The following TNRC18 variants were observed in gnomAD, a reference collection of about 807,000 sequenced individuals.
TNRC18 encodes the protein trinucleotide repeat-containing gene 18 protein.
TNRC18 carries 69 observed loss-of-function variants against 226.7 expected under a neutral mutation model. The observed-to-expected ratio is 0.30, with a 90% confidence interval of 0.25 to 0.37. The LOEUF is 0.37. TNRC18 is among the 10% of genes least tolerant of loss of function. The pLI, the probability that TNRC18 is intolerant of heterozygous loss-of-function variation, is 1.00. For missense variants in TNRC18, 4,754 were observed against 4,256.6 expected (o/e 1.12, Z -3.25); for synonymous variants, 2,449 against 1,927.6 (o/e 1.27, Z -7.09).
rs534349262 is a variant in TNRC18, at chr7:5,332,858, C to T, written c.5911G>A (p.Ala1971Thr). Residue 1971 changes from alanine (A) to threonine (T), a missense_variant, in exon 19 of 30, where the codon GCC (alanine) becomes ACC (threonine). By Grantham distance (58) the Ala-to-Thr change is moderately conservative. Coordinates refer to ENST00000430969, the MANE Select transcript of TNRC18 (RefSeq NM_001080495.3). Reference protein sequence around the residue: ...AKLAVEKGRKARKLRGPKEPG... With the variant: ...AKLAVEKGRKTRKLRGPKEPG... ...TCCTTGGGGCCCCGCAGCTTCCGGG[C>T]CTTGCGCCCCTTCTCCACCGCCAGC... 5 of 1,510,828 alleles carry T rather than the reference C, an allele frequency of 3.3e-6. No homozygotes were observed. In the African/African-American group the frequency reaches 7.1e-5, roughly 21 times the overall value. 93.6% of individuals were successfully genotyped at this position (1,510,828 alleles called of 1,614,324 possible). A position where few individuals can be genotyped will look rare whatever the true frequency, so the allele number is the denominator to read the frequency against.
intron 5 of TNRC18, 88 bp downstream of exon 5, chr7:5,387,584 C>T (rs1239722733): frequency 6.5e-7 from 1 of 1,531,334 alleles, no homozygotes; most frequent in Non-Finnish European, 8.8e-7. Context: ...TTAGCAATAG[C>T]AAAGGGAAAG....
intron 2 of TNRC18, among the ~76,000 whole-genome samples, chr7:5,401,832 A>C (rs1222970654): frequency 3.3e-5 from 5 of 152,158 alleles, no homozygotes; most frequent in South Asian, 2.1e-4. Context: ...TCATGCCTGT[A>C]ATCTCAACAC....
Position 5,309,490 on chromosome 7 carries a change from T to C in TNRC18, c.8389-122A>G. 1 of 790,918 alleles carries C rather than the reference T, an allele frequency of 1.3e-6. No individual in the cohort carries two copies. The highest frequency in any genetic ancestry group is 2.7e-5 in the East Asian group (1 of 37,048). The allele number at this position is 790,918 out of a possible 1,614,324, so 49.0% of individuals were successfully genotyped here. ...CTCTAAATCAACCCCTATCCAACTG[T>C]GGGGAGATGAGGAAGCTCCTTGTCT... On this transcript the variant is annotated intron_variant, in intron 27 of 29. Transcript: ENST00000430969. This position sits in a 1 kb window ranked among gnomAD's most constrained non-coding sequence, Gnocchi z 5.7.
rs1320306844 is a variant in TNRC18, at chr7:5,389,066, C to T, written c.758G>A (p.Arg253Gln). Residue 253 changes from arginine to glutamine, a missense_variant, in exon 5 of 30, where the codon CGG (arginine) becomes CAG (glutamine). By Grantham distance (43) the Arg-to-Gln change is conservative. Transcript: ENST00000430969. ...GCGCTCAGCCAGGCGCGGGGGCCCCCGGTCCTGGCGGCCCTCGGCGCGCGC... is the reference window on the plus strand; with the variant it reads ...GCGCTCAGCCAGGCGCGGGGGCCCCTGGTCCTGGCGGCCCTCGGCGCGCGC... ...QEARAEGRQD[R>Q]GPPRLAERLS... is the part of the protein sequence containing the mutation. 11 of 1,280,324 alleles carry T rather than the reference C, an allele frequency of 8.6e-6. No homozygotes were observed. Among genetic ancestry groups the T allele is most frequent in the Non-Finnish European group, 9.9e-6 (10 of 1,005,744 alleles). 79.3% of individuals were successfully genotyped at this position (1,280,324 alleles called of 1,614,324 possible). A position where few individuals can be genotyped will look rare whatever the true frequency, so the allele number is the denominator to read the frequency against.
Position 5,357,001 on chromosome 7 carries a change from C to G in TNRC18, c.5109G>C (p.Arg1703Ser), listed in dbSNP as rs1792492387. The change falls in exon 16 of 30, where the codon AGG (arginine) becomes AGC (serine). Residue 1703 changes from arginine (R) to serine (S), a missense_variant. By Grantham distance (110) the Arg-to-Ser change is moderately radical (BLOSUM62 -1). Transcript: ENST00000430969. ...EGKHKRAAKT[R>S]KMEVGFKARG... is the part of the protein sequence containing the mutation. ...TGGCCTTGAACCCCACCTCCATCTT[C>G]CTGGTTTTGGCTGCCCTTTTGTGTT... is the stretch of plus-strand genomic sequence containing the variant. The G allele has an allele frequency of 6.4e-7, 1 of 1,552,334 alleles. No individual in the cohort carries two copies. Among genetic ancestry groups the G allele is most frequent in the East Asian group, 2.4e-5 (1 of 40,926 alleles).
chr7:5,419,122 G>T (rs1214208033), intron 2 of TNRC18, among the ~76,000 whole-genome samples: 1 of 152,238 alleles, frequency 6.6e-6, no homozygotes, highest in Non-Finnish European at 1.5e-5. Context: ...CCTCCCGCTG[G>T]GCTTCCGAGG....
intron 17 of TNRC18, among the ~76,000 whole-genome samples, chr7:5,346,343 G>C (rs1465670235): frequency 6.6e-6 from 1 of 152,136 alleles, no homozygotes; most frequent in East Asian, 1.9e-4. Context: ...CTCTTCCTGG[G>C]GGCCAGGGGA....
chr7:5,403,619 C>T (rs1290311557), intron 2 of TNRC18, among the ~76,000 whole-genome samples: 1 of 151,678 alleles, frequency 6.6e-6, no homozygotes, highest in East Asian at 1.9e-4. Context: ...AGCAAGACCC[C>T]ATCTATACAA....
chr7:5,376,796 G>T lies in TNRC18; in HGVS notation c.2608+51C>A, dbSNP rs777482075. ...AGCCCTTGGCATCAGAGACCATCTC[G>T]CTGGGCATGGCCAGTCTGGCCCATG... is the stretch of plus-strand genomic sequence containing the variant. On this transcript the variant is annotated intron_variant, in intron 8 of 29. Transcript: ENST00000430969. 6 of 1,583,660 alleles carry T rather than the reference G, an allele frequency of 3.8e-6. No homozygotes were observed. In the South Asian group the frequency reaches 5.8e-5, roughly 15 times the overall value.
At position 5,387,895 on chromosome 7, in the gene TNRC18, A is replaced by G; in HGVS notation, c.1929T>C (p.Pro643=). The G allele has an allele frequency of 6.3e-7, 1 of 1,591,292 alleles. No individual in the cohort carries two copies. The highest frequency in any genetic ancestry group is 8.5e-7 in the Non-Finnish European group (1 of 1,170,620). Residue 643 remains proline (P), a synonymous_variant, in exon 5 of 30, where the codon CCT becomes CCC. Transcript: ENST00000430969. Reference sequence around the variant, plus strand: ...TCAGCTGCCGGCCGCCGCCCGCTGCAGGGCCTCCGGAGTGTGGGAGACGGG... The same window carrying G: ...TCAGCTGCCGGCCGCCGCCCGCTGCGGGGCCTCCGGAGTGTGGGAGACGGG... ...AQARLPHSGG[P]AAGGGRQLKR... is the part of the protein sequence containing the mutation.
At chr7:5,325,886 C>T (rs1195089177) in intron 19 of TNRC18, among the ~76,000 whole-genome samples, 2 of 151,864 alleles carry the variant, frequency 1.3e-5, no homozygotes, top group African/African-American at 4.8e-5. Flanking sequence ...CAGGTGCACA[C>T]CACCACACCC....
chr7:5,362,843 G>A lies in TNRC18; in HGVS notation c.4220-18C>T. 2 of 1,490,744 alleles carry A rather than the reference G, an allele frequency of 1.3e-6. No homozygotes were observed. The highest frequency in any genetic ancestry group is 1.8e-6 in the Non-Finnish European group (2 of 1,120,398). The allele number at this position is 1,490,744 out of a possible 1,614,324, so 92.3% of individuals were successfully genotyped here. A position where few individuals can be genotyped will look rare whatever the true frequency, so the allele number is the denominator to read the frequency against. On this transcript the variant is annotated intron_variant, in intron 11 of 29. Coordinates refer to ENST00000430969, the MANE Select transcript of TNRC18 (RefSeq NM_001080495.3). ...CTCCGCACCTGTGGACAGGAGGTAG[G>A]TAACAGGGCGCTGCTGCCACCCCTT... is the stretch of plus-strand genomic sequence containing the variant.
chr7:5,370,847 C>G lies in TNRC18; in HGVS notation c.3747G>C (p.Leu1249=). The change falls in exon 11 of 30, where the codon CTG becomes CTC. Residue 1249 remains leucine, a synonymous_variant. Transcript: ENST00000430969. ...TGGCCTCCACCAGTGTCTCGGGTGT[C>G]AGCTGCACCCCCAGGTCCAGGGCGG... ...CTAALDLGVQ[L]TPETLVEAKE... is the part of the protein sequence containing the mutation. 1.2e-6 allele frequency: 2 copies of G among 1,609,178 alleles called. No homozygotes were observed. Among genetic ancestry groups the G allele is most frequent in the Non-Finnish European group, 1.7e-6 (2 of 1,179,636 alleles).
At chr7:5,359,153 T>C (rs557121221) in intron 15 of TNRC18, among the ~76,000 whole-genome samples, 10 of 152,314 alleles carry the variant, frequency 6.6e-5, no homozygotes, top group Admixed American at 2.0e-4. Context: ...CAGAGGGAGA[T>C]AGCTTTTAGG....
chr7:5,353,179 T>C (rs918095316), intron 16 of TNRC18, among the ~76,000 whole-genome samples: 13 of 152,110 alleles, frequency 8.5e-5, no homozygotes, highest in Non-Finnish European at 1.5e-5. Context: ...AATCTGTCCC[T>C]CCCGAGGCTG....
At chr7:5,331,738 T>C (rs1318137717) in intron 19 of TNRC18, among the ~76,000 whole-genome samples, 1 of 151,972 alleles carries the variant, frequency 6.6e-6, no homozygotes, top group African/African-American at 2.4e-5. Flanking sequence ...AGCAAGACCT[T>C]GTCTATACTT....
Position 5,356,738 on chromosome 7 carries a change from T to TC in TNRC18, c.5194+177dup, listed in dbSNP as rs67430912. On this transcript the variant is annotated intron_variant, in intron 16 of 29. Transcript: ENST00000430969. ...ACAGGCATATCCGCTTCAGGCGGCC[T>TC]CCCCCCCCACTTCCGGCTTGGAGGC... is the stretch of plus-strand genomic sequence containing the variant. Among the ~76,000 whole-genome samples, 9,953 of 143,820 alleles carry TC rather than the reference T, an allele frequency of 0.069. 404 individuals are homozygous for TC. The highest frequency in any genetic ancestry group is 0.13 in the South Asian group (590 of 4,490). The allele number at this position is 143,820 out of a possible 152,430, so 94.4% of individuals were successfully genotyped here.
In TNRC18 at chr7:5,345,545, CA is replaced by C; in HGVS notation, c.5719+16del. On this transcript the variant is annotated intron_variant, in intron 18 of 29. Transcript: ENST00000430969. ...CCTCCCACCCACCCCCACCGCAGCC[CA>C]CCTGCTGCCACTTACCCAGCAGGCT... 1 of 1,430,634 alleles carries C rather than the reference CA, an allele frequency of 7.0e-7. No individual in the cohort carries two copies. The highest frequency in any genetic ancestry group is 9.2e-7 in the Non-Finnish European group (1 of 1,083,434). 88.6% of individuals were successfully genotyped at this position (1,430,634 alleles called of 1,614,324 possible).
rs1160431869 is a variant in TNRC18 at position 5,345,636 on chromosome 7, C to A, written c.5645G>T (p.Gly1882Val). The change falls in exon 18 of 30, where the codon GGT (glycine) becomes GTT (valine). Residue 1882 changes from glycine (G) to valine (V), a missense_variant. Transcript: ENST00000430969. ...AASALPSPTV[G>V]PSLSVVQLEA... ...CAGCTGTACCACAGACAGGGATGGA[C>A]CCACCGTGGGGCTGGGGAGGGCGCT... is the stretch of plus-strand genomic sequence containing the variant. The A allele has an allele frequency of 1.3e-5, 20 of 1,558,120 alleles. No individual in the cohort carries two copies. The highest frequency in any genetic ancestry group is 1.7e-5 in the Non-Finnish European group (20 of 1,151,408).
Sources: gnomAD v4.1 joint callset for allele counts (sites outside exome capture counted in the v4.1 genomes callset) on GRCh38, gnomAD v4.1.1 for gene constraint, Gnocchi (gnomAD v3.1) non-coding constraint, MANE v1.5 for transcripts, NCBI Gene and HGNC (gene_info 2026-07-23, HGNC 2026-07-21) for gene names.